Variants in SDK1 observed in about 807,000 individuals in gnomAD.
The protein encoded by SDK1 is protein sidekick-1.
A neutral mutation model predicts 245.5 loss-of-function variants in SDK1; 157 were observed. That is an observed-to-expected ratio of 0.64 (90% CI 0.56 to 0.73). SDK1 has a LOEUF of 0.73. Among genes scored for constraint, SDK1 ranks in the 30% least tolerant of loss-of-function variants. SDK1 has a pLI of 0.00. For synonymous variants in SDK1, 1,647 were observed against 1,278.5 expected (o/e 1.29, Z -6.15); for missense variants, 3,583 against 3,002.3 (o/e 1.19, Z -4.52).
chr7:3,573,611 C>T (rs550574996), intron 1 of SDK1, among the ~76,000 whole-genome samples: 2 of 152,162 alleles, frequency 1.3e-5, no homozygotes, highest in Non-Finnish European at 2.9e-5. Context: ...TCTTCCAGAG[C>T]CAGCCTTTGA....
intron 1 of SDK1, among the ~76,000 whole-genome samples, chr7:3,430,383 T>C (rs145812855): frequency 1.3e-5 from 2 of 152,256 alleles, no homozygotes; most frequent in Non-Finnish European, 2.9e-5. Context: ...ACAAGCGTAT[T>C]TCACATTCTG....
At chr7:3,403,865 AT>A (rs1295682201) in intron 1 of SDK1, among the ~76,000 whole-genome samples, 69 of 102,364 alleles carry the variant, frequency 6.7e-4, no homozygotes, top group East Asian at 1.9e-3. Flanking sequence ...ATATATATAT[AT>A]ATAATATATA....
At chr7:3,784,941 T>C (rs1212754597) in intron 4 of SDK1, among the ~76,000 whole-genome samples, 1 of 152,244 alleles carries the variant, frequency 6.6e-6, no homozygotes, top group East Asian at 1.9e-4. Context: ...AGCTGAGCTG[T>C]GGAATCAGCC....
intron 4 of SDK1, among the ~76,000 whole-genome samples, chr7:3,707,564 C>T (rs1350927835): frequency 1.3e-5 from 2 of 152,134 alleles, no homozygotes; most frequent in Non-Finnish European, 2.9e-5. Flanking sequence ...TCTGTTAGGT[C>T]CATTTGTTCT....
chr7:3,473,073 G>A (rs1781233816), intron 1 of SDK1, among the ~76,000 whole-genome samples: 1 of 151,966 alleles, frequency 6.6e-6, no homozygotes. Context: ...GGCTTCTTAC[G>A]ATTTTGAAAT....
chr7:3,636,045 A>G (rs1441014259), intron 2 of SDK1, among the ~76,000 whole-genome samples: 1 of 152,130 alleles, frequency 6.6e-6, no homozygotes, highest in East Asian at 1.9e-4. Flanking sequence ...GCATATATTC[A>G]TTTTTATTTT....
intron 1 of SDK1, among the ~76,000 whole-genome samples, chr7:3,407,700 C>G (rs1276755463): frequency 6.6e-6 from 1 of 152,150 alleles, no homozygotes; most frequent in Non-Finnish European, 1.5e-5. Flanking sequence ...GAAGTTCTTT[C>G]ATTTTGCAGT....
rs1341738044 is a variant in SDK1 at position 4,061,730 on chromosome 7, T to C, written c.2912-6108T>C. 1.3e-3 allele frequency among the ~76,000 whole-genome samples: 195 copies of C among 152,000 alleles called. 2 individuals carry two copies. The highest frequency in any genetic ancestry group is 4.4e-4 in the Non-Finnish European group (30 of 67,972). On this transcript the variant is annotated intron_variant, in intron 19 of 44. Coordinates refer to ENST00000404826, the MANE Select transcript of SDK1 (RefSeq NM_152744.4). Reference sequence around the variant, plus strand: ...CACAATAGCAAAGACTTTGAACCAATCCAAATGTCCAACAATGATAGACTG... The same window carrying C: ...CACAATAGCAAAGACTTTGAACCAACCCAAATGTCCAACAATGATAGACTG...
At chr7:3,980,636 C>T (rs954979989) in intron 13 of SDK1, among the ~76,000 whole-genome samples, 12 of 152,244 alleles carry the variant, frequency 7.9e-5, no homozygotes, top group African/African-American at 2.9e-4. Context: ...TCCAAATAAC[C>T]AAAACTTATC....
intron 13 of SDK1, among the ~76,000 whole-genome samples, chr7:3,979,505 T>C (rs939568676): frequency 3.9e-5 from 6 of 152,178 alleles, no homozygotes; most frequent in African/African-American, 1.4e-4. Flanking sequence ...AGGAACCTAA[T>C]AAATGTCTGG....
chr7:3,493,586 T>TTAAA (rs1781930682), intron 1 of SDK1, among the ~76,000 whole-genome samples: 1 of 152,250 alleles, frequency 6.6e-6, no homozygotes, highest in Non-Finnish European at 1.5e-5. Flanking sequence ...TCTTGCACTA[T>TTAAA]TATTTAACTA....
At chr7:3,557,616 T>C (rs1458314608) in intron 1 of SDK1, among the ~76,000 whole-genome samples, 1 of 152,202 alleles carries the variant, frequency 6.6e-6, no homozygotes, top group Non-Finnish European at 1.5e-5. Context: ...TTGGATTATA[T>C]CCATGTCAAA....
intron 1 of SDK1, among the ~76,000 whole-genome samples, chr7:3,596,599 C>A (rs1211282257): frequency 1.3e-5 from 2 of 152,194 alleles, no homozygotes; most frequent in African/African-American, 4.8e-5. Context: ...TTCCCTCAGG[C>A]CCTTCCAATT....
chr7:4,197,206 G>T (rs544203220), intron 35 of SDK1, among the ~76,000 whole-genome samples: 1 of 152,022 alleles, frequency 6.6e-6, no homozygotes, highest in Non-Finnish European at 1.5e-5. Flanking sequence ...GCTCATGCCT[G>T]CCATCCCAGC....
chr7:4,151,431 A>T (rs1780374992), intron 30 of SDK1, among the ~76,000 whole-genome samples: 1 of 152,168 alleles, frequency 6.6e-6, no homozygotes. Flanking sequence ...AGGGCACAAC[A>T]TCTGGTGAGG....
Position 4,026,539 on chromosome 7 carries a change from G to C in SDK1, c.2602+9187G>C, listed in dbSNP as rs1026799336. Among the ~76,000 whole-genome samples, 1 of 152,062 alleles carries C rather than the reference G, an allele frequency of 6.6e-6. No individual in the cohort carries two copies. Among genetic ancestry groups the C allele is most frequent in the Non-Finnish European group, 1.5e-5 (1 of 68,028 alleles). ...GTGCCCCCACCCCAGCCCAAACACT[G>C]GCCCCAAATGCTTCTCTTCAATGCC... is the stretch of plus-strand genomic sequence containing the variant. On this transcript the variant is annotated intron_variant, in intron 17 of 44. Transcript: ENST00000404826. This position sits in a 1 kb window ranked among gnomAD's most constrained non-coding sequence, Gnocchi z 4.1.
chr7:3,775,177 A>C lies in SDK1; in HGVS notation c.714-46273A>C, dbSNP rs10237769. ...ATGTGCTATTGGTTTTCAGTAAATA[A>C]AGTTCAAATTAGAAGCTTAGAAATA... is the stretch of plus-strand genomic sequence containing the variant. On this transcript the variant is annotated intron_variant, in intron 4 of 44. Coordinates refer to ENST00000404826, the MANE Select transcript of SDK1 (RefSeq NM_152744.4). Among the ~76,000 whole-genome samples, 840 of 152,300 alleles carry C rather than the reference A, an allele frequency of 5.5e-3. 9 individuals are homozygous for C. The highest frequency in any genetic ancestry group is 0.019 in the African/African-American group (807 of 41,568).
chr7:3,969,529 A>G lies in SDK1; in HGVS notation c.1714+105A>G, dbSNP rs140277200. On this transcript the variant is annotated intron_variant, in intron 11 of 44. Transcript: ENST00000404826. ...GCATGCCCTTGGGCTTGCTAATTTAATCAAAAGAGAATGATTATTTTTACA... is the reference window on the plus strand; with the variant it reads ...GCATGCCCTTGGGCTTGCTAATTTAGTCAAAAGAGAATGATTATTTTTACA... The G allele has an allele frequency of 1.7e-4, 129 of 760,966 alleles. No homozygotes were observed. The African/African-American group carries it at 2.1e-3, about 12-fold the overall frequency. The allele number at this position is 760,966 out of a possible 1,614,324, so 47.1% of individuals were successfully genotyped here.
chr7:3,927,520 C>A (rs1779813936), intron 5 of SDK1, among the ~76,000 whole-genome samples: 1 of 152,168 alleles, frequency 6.6e-6, no homozygotes, highest in African/African-American at 2.4e-5. Context: ...AGCTCATGGG[C>A]AGCCAAGGCA....
Sources: gnomAD v4.1 joint callset for allele counts (sites outside exome capture counted in the v4.1 genomes callset) on GRCh38, gnomAD v4.1.1 for gene constraint, Gnocchi (gnomAD v3.1) non-coding constraint, MANE v1.5 for transcripts, NCBI Gene and HGNC (gene_info 2026-07-23, HGNC 2026-07-21) for gene names.